Variants in CDK15 observed in about 807,000 individuals in gnomAD.
The protein encoded by CDK15 is cyclin-dependent kinase 15.
In CDK15, 62 loss-of-function variants were observed where a neutral mutation model predicts 60.3. The observed-to-expected ratio is 1.03, with a 90% CI of 0.84 to 1.27. CDK15 has a LOEUF of 1.27. CDK15 is among the 50% of genes most tolerant of loss of function. The probability of loss-of-function intolerance (pLI) is 0.00; values close to 1 mark genes in which losing one functional copy is unlikely to be tolerated. For synonymous variants in CDK15, 194 were observed against 195.7 expected (o/e 0.99, Z 0.07); for missense variants, 541 against 527.8 (o/e 1.03, Z -0.25).
At chr2:201,868,484 C>G (rs1698721540) in intron 10 of CDK15, among the ~76,000 whole-genome samples, 1 of 152,080 alleles carries the variant, frequency 6.6e-6, no homozygotes, top group Non-Finnish European at 1.5e-5. Flanking sequence ...GAAGGAAAAG[C>G]AGATAGGATT....
intron 4 of CDK15, among the ~76,000 whole-genome samples, chr2:201,821,157 C>T (rs1044043450): frequency 2.6e-5 from 4 of 152,150 alleles, no homozygotes. Flanking sequence ...AGGTTTAGCT[C>T]TCACAATAGA....
intron 8 of CDK15, among the ~76,000 whole-genome samples, chr2:201,839,141 T>C (rs1559128426): frequency 6.6e-6 from 1 of 152,230 alleles, no homozygotes; most frequent in Non-Finnish European, 1.5e-5. Context: ...GATTCATCCA[T>C]GTTGATCTGT....
At position 201,890,916 on chromosome 2, in the gene CDK15, A is replaced by G; in HGVS notation, c.*22A>G. On this transcript the variant is annotated 3_prime_UTR_variant, in exon 13 of 14. Transcript: ENST00000652192. Reference sequence around the variant, plus strand: ...GTGAAAAGAAAGGGCGAGATCACCAAGGTTCTTCCAGGTAAGTGGTTGCAA... The same window carrying G: ...GTGAAAAGAAAGGGCGAGATCACCAGGGTTCTTCCAGGTAAGTGGTTGCAA... 1 of 1,555,838 alleles carries G rather than the reference A, an allele frequency of 6.4e-7. No individual in the cohort carries two copies. The highest frequency in any genetic ancestry group is 8.9e-7 in the Non-Finnish European group (1 of 1,129,472).
chr2:201,851,851 G>C (rs1396779108), intron 9 of CDK15, among the ~76,000 whole-genome samples: 1 of 152,098 alleles, frequency 6.6e-6, no homozygotes, highest in Non-Finnish European at 1.5e-5. Flanking sequence ...TAGAGACAGG[G>C]TTTTACCATG....
chr2:201,814,752 CCTGAACAATTTGG>C (rs1472597053), intron 4 of CDK15, among the ~76,000 whole-genome samples: 1 of 152,138 alleles, frequency 6.6e-6, no homozygotes, highest in Admixed American at 6.5e-5. Flanking sequence ...AATTGCTTTT[CCTGAACAATTTGG>C]CTGCCCTGAT....
At chr2:201,832,292 C>T (rs747695386) in intron 6 of CDK15, among the ~76,000 whole-genome samples, 16 of 152,324 alleles carry the variant, frequency 1.1e-4, no homozygotes, top group Middle Eastern at 3.4e-3. Context: ...GTGATCCGCT[C>T]GCTTTGGTCT....
intron 8 of CDK15, among the ~76,000 whole-genome samples, chr2:201,846,801 A>G (rs1697690285): frequency 6.6e-6 from 1 of 152,216 alleles, no homozygotes; most frequent in Non-Finnish European, 1.5e-5. Context: ...TAGACATCAA[A>G]GAGTCTGAGT....
intron 12 of CDK15, among the ~76,000 whole-genome samples, chr2:201,881,280 T>C (rs1574938552): frequency 6.6e-6 from 1 of 152,278 alleles, no homozygotes; most frequent in Non-Finnish European, 1.5e-5. Context: ...AGTGAGTCAT[T>C]TAGGATCTCC....
chr2:201,847,265 T>C (rs1697710768), intron 8 of CDK15, 116 bp from the exon 9 acceptor site: 3 of 949,392 alleles, frequency 3.2e-6, no homozygotes, highest in Non-Finnish European at 4.7e-6. Context: ...TTTAATATCA[T>C]GTGGTCCGTA....
chr2:201,853,329 G>T (rs1697992384), intron 9 of CDK15, among the ~76,000 whole-genome samples: 1 of 152,152 alleles, frequency 6.6e-6, no homozygotes, highest in Non-Finnish European at 1.5e-5. Context: ...TGGGTGGCAT[G>T]ATTTTTTTAT....
chr2:201,849,604 G>T (rs1168900328), intron 9 of CDK15, among the ~76,000 whole-genome samples: 1 of 152,112 alleles, frequency 6.6e-6, no homozygotes, highest in African/African-American at 2.4e-5. Flanking sequence ...GTGTTGTTCA[G>T]TCTAGGTAGG....
At chr2:201,839,180 A>G (rs1697264240) in intron 8 of CDK15, among the ~76,000 whole-genome samples, 1 of 152,112 alleles carries the variant, frequency 6.6e-6, no homozygotes, top group South Asian at 2.1e-4. Context: ...CTGTTAGTGA[A>G]TATTTCATTT....
intron 6 of CDK15, among the ~76,000 whole-genome samples, chr2:201,833,555 GTTTCAC>G (rs1220644880): frequency 2.0e-5 from 3 of 151,938 alleles, no homozygotes; most frequent in Non-Finnish European, 4.4e-5. Flanking sequence ...AAACTTCAAA[GTTTCAC>G]TTTAGATTTT....
At chr2:201,890,997 C>T (rs59041020) in intron 13 of CDK15, 70 bp downstream of exon 13, 37,631 of 779,608 alleles carry the variant, frequency 0.048, 2,186 homozygotes, top group African/African-American at 0.22. Context: ...GTGGAGAGGA[C>T]ATTGCTCAGG....
At chr2:201,840,587 G>C (rs1163059612) in intron 8 of CDK15, among the ~76,000 whole-genome samples, 4 of 152,152 alleles carry the variant, frequency 2.6e-5, no homozygotes, top group African/African-American at 9.7e-5. Context: ...GTGTAGGCCT[G>C]CTGGTGGCAA....
At position 201,859,446 on chromosome 2, in the gene CDK15, C is replaced by T. The variant is rs1698289752; in HGVS notation, c.1009+4509C>T. Among the ~76,000 whole-genome samples, 3 of 152,310 alleles carry T rather than the reference C, an allele frequency of 2.0e-5. No individual in the cohort carries two copies. In the South Asian group the frequency reaches 6.2e-4, roughly 32 times the overall value. Reference sequence around the variant, plus strand: ...CCGCTTTGAAGACTGAAGCCCTGGGCAGTGGCTATGCCAAACCATACAGTG... The same window carrying T: ...CCGCTTTGAAGACTGAAGCCCTGGGTAGTGGCTATGCCAAACCATACAGTG... On this transcript the variant is annotated intron_variant, in intron 10 of 13. Transcript: ENST00000652192.
At chr2:201,872,956 T>C (rs904271462) in intron 11 of CDK15, among the ~76,000 whole-genome samples, 1 of 151,384 alleles carries the variant, frequency 6.6e-6, no homozygotes, top group African/African-American at 2.4e-5. Context: ...TTTGCTTCAG[T>C]GAGGAGGCAA....
At chr2:201,873,725 C>A (rs1239396190) in intron 11 of CDK15, among the ~76,000 whole-genome samples, 1 of 152,222 alleles carries the variant, frequency 6.6e-6, no homozygotes, top group Admixed American at 6.5e-5. Context: ...TTTTCTCAGA[C>A]TTCTGGCTTC....
chr2:201,826,458 C>CAAG (rs1553521702), intron 6 of CDK15, among the ~76,000 whole-genome samples: 17 of 78,214 alleles, frequency 2.2e-4, no homozygotes, highest in African/African-American at 7.7e-4. Context: ...GACTGCGTCT[C>CAAG]AAAAAAAAAA....
Sources: allele counts gnomAD v4.1 joint callset (sites outside exome capture counted in the v4.1 genomes callset), GRCh38; gene constraint gnomAD v4.1.1; transcripts MANE v1.5; gene names NCBI Gene and HGNC (gene_info 2026-07-23, HGNC 2026-07-21).